RGS17: variants seen among roughly 807,000 people sequenced by gnomAD.
RGS17 encodes regulator of G protein signaling 17, also known as regulator of G-protein signaling 17.
In RGS17, 12 loss-of-function variants were observed where a neutral mutation model predicts 25.5. That is an observed-to-expected ratio of 0.47 (90% CI 0.30 to 0.76). The LOEUF is 0.76. RGS17 is among the 30% of genes least tolerant of loss of function. The pLI is 0.07. For synonymous variants in RGS17, 71 were observed against 76.9 expected, an observed-to-expected ratio of 0.92 and a Z score of 0.40; for missense variants, 196 against 242.2, an observed-to-expected ratio of 0.81 and a Z score of 1.27.
At chr6:153,050,658 T>A (rs184615791) in intron 1 of RGS17, among the ~76,000 whole-genome samples, 244 of 152,306 alleles carry the variant, frequency 1.6e-3, no homozygotes, top group African/African-American at 5.5e-3. Flanking sequence ...TGAAGAACAA[T>A]ATTGACTACA....
intron 1 of RGS17, among the ~76,000 whole-genome samples, chr6:153,099,067 G>A (rs1777258315): frequency 6.6e-6 from 1 of 152,114 alleles, no homozygotes; most frequent in Non-Finnish European, 1.5e-5. Flanking sequence ...AAATGAAATT[G>A]ACTTGGATGA....
At chr6:153,021,468 A>G (rs1779247580) in intron 4 of RGS17, among the ~76,000 whole-genome samples, 1 of 152,224 alleles carries the variant, frequency 6.6e-6, no homozygotes. Context: ...GAGTATATCA[A>G]TGAGTCGAGT....
intron 1 of RGS17, among the ~76,000 whole-genome samples, chr6:153,082,551 A>T (rs999907229): frequency 1.2e-4 from 19 of 152,072 alleles, no homozygotes; most frequent in Admixed American, 3.9e-4. Context: ...TAATTTTTTT[A>T]TATCTGCCAT....
chr6:153,091,237 G>A (rs1777125464), intron 1 of RGS17, among the ~76,000 whole-genome samples: 1 of 152,074 alleles, frequency 6.6e-6, no homozygotes, highest in Admixed American at 6.6e-5. Flanking sequence ...TGCTGCCTAG[G>A]AAAACAATCT....
intron 1 of RGS17, among the ~76,000 whole-genome samples, chr6:153,071,947 T>G (rs1296837818): frequency 6.6e-6 from 1 of 152,154 alleles, no homozygotes; most frequent in East Asian, 1.9e-4. Flanking sequence ...TTGTTTGGAT[T>G]GTGAGTATTA....
At chr6:153,090,614 GA>G (rs1179268548) in intron 1 of RGS17, among the ~76,000 whole-genome samples, 1 of 151,928 alleles carries the variant, frequency 6.6e-6, no homozygotes, top group Admixed American at 6.6e-5. Flanking sequence ...GCAACGAAAT[GA>G]GGCCTTGTCA....
intron 2 of RGS17, among the ~76,000 whole-genome samples, chr6:153,043,140 A>T (rs536337608): frequency 6.6e-6 from 1 of 152,334 alleles, no homozygotes; most frequent in South Asian, 2.1e-4. Context: ...GATGTTCAGC[A>T]CTAGATGGCA....
At chr6:153,053,150 T>C (rs1776485701) in intron 1 of RGS17, among the ~76,000 whole-genome samples, 1 of 152,230 alleles carries the variant, frequency 6.6e-6, no homozygotes, top group African/African-American at 2.4e-5. Context: ...TTTCCAGGAA[T>C]GAATTTTAAA....
chr6:153,025,325 G>C (rs1160367414), intron 3 of RGS17, among the ~76,000 whole-genome samples: 2 of 151,406 alleles, frequency 1.3e-5, no homozygotes, highest in African/African-American at 4.9e-5. Context: ...AAAAAAAAAA[G>C]GTTTTTTTCC....
intron 1 of RGS17, among the ~76,000 whole-genome samples, chr6:153,104,106 C>G (rs1777345219): frequency 6.6e-6 from 1 of 152,106 alleles, no homozygotes; most frequent in African/African-American, 2.4e-5. Flanking sequence ...AGAGCAGAAC[C>G]CAGGTTTTCA....
At chr6:153,092,993 T>C (rs960797472) in intron 1 of RGS17, among the ~76,000 whole-genome samples, 1 of 152,146 alleles carries the variant, frequency 6.6e-6, no homozygotes, top group Non-Finnish European at 1.5e-5. Context: ...GAGAGAGTCC[T>C]AACAAAGACT....
chr6:153,045,839 T>G (rs1776378008), intron 1 of RGS17, among the ~76,000 whole-genome samples: 1 of 152,166 alleles, frequency 6.6e-6, no homozygotes. Context: ...ATTATAAAAC[T>G]TATCTGACTT....
At chr6:153,070,010 C>A (rs958552845) in intron 1 of RGS17, among the ~76,000 whole-genome samples, 1 of 151,982 alleles carries the variant, frequency 6.6e-6, no homozygotes, top group African/African-American at 2.4e-5. Flanking sequence ...AGGAAGTATA[C>A]AAGTGATAGA....
At chr6:153,113,950 A>G (rs947758878) in intron 1 of RGS17, among the ~76,000 whole-genome samples, 11 of 152,238 alleles carry the variant, frequency 7.2e-5, no homozygotes, top group Admixed American at 5.2e-4. Flanking sequence ...GGAAATTTAT[A>G]GCACTAAAAT....
At chr6:153,079,411 A>G (rs1776936667) in intron 1 of RGS17, among the ~76,000 whole-genome samples, 1 of 152,230 alleles carries the variant, frequency 6.6e-6, no homozygotes, top group African/African-American at 2.4e-5. Flanking sequence ...CATAATAAAA[A>G]GGAAGCAGAT....
At position 153,091,528 on chromosome 6, in the gene RGS17, A is replaced by G. The variant is rs567873790; in HGVS notation, c.-26+39596T>C. The stretch of plus-strand genomic sequence containing the variant: ...CACTCTGTCACACAGGCTGGAGTAC[A>G]CAGGCTCTGTCACACAGGCTCTGTC... On this transcript the variant is annotated intron_variant, in intron 1 of 4. Transcript: ENST00000206262. Among the ~76,000 whole-genome samples, 741 of 151,166 alleles carry G rather than the reference A, an allele frequency of 4.9e-3. 3 individuals are homozygous for G. Among genetic ancestry groups the G allele is most frequent in the Non-Finnish European group, 8.7e-3 (590 of 67,836 alleles).
chr6:153,010,649 A>G lies in RGS17; in HGVS notation c.*925T>C, dbSNP rs1020320305. 2.0e-5 allele frequency: 3 copies of G among 152,050 alleles called. No homozygotes were observed. Among genetic ancestry groups the G allele is most frequent in the Non-Finnish European group, 4.4e-5 (3 of 67,900 alleles). The allele number at this position is 152,050 out of a possible 1,614,324, so 9.4% of individuals were successfully genotyped here. ...TCCTTTATTAAGTCCTTTTCTTTAT[A>G]TTCCAAAACTAAGTTATCAAGCTTA... On this transcript the variant is annotated 3_prime_UTR_variant, in exon 5 of 5. Coordinates refer to ENST00000206262, the MANE Select transcript of RGS17 (RefSeq NM_012419.5).
intron 1 of RGS17, among the ~76,000 whole-genome samples, chr6:153,069,851 G>A (rs146054987): frequency 2.0e-5 from 3 of 151,658 alleles, no homozygotes; most frequent in South Asian, 2.1e-4. Context: ...ACTTCAGTAC[G>A]TTATTTATTA....
chr6:153,076,284 ATATAAAAATT>A (rs1322057041), intron 1 of RGS17, among the ~76,000 whole-genome samples: 1 of 152,024 alleles, frequency 6.6e-6, no homozygotes, highest in African/African-American at 2.4e-5. Context: ...TAACAAAAAT[ATATAAAAATT>A]TAAGTAAATG....
Sources: gnomAD v4.1 joint callset for allele counts (sites outside exome capture counted in the v4.1 genomes callset) on GRCh38, gnomAD v4.1.1 for gene constraint, MANE v1.5 for transcripts, NCBI Gene and HGNC (gene_info 2026-07-23, HGNC 2026-07-21) for gene names.